Variants in SNTG1 observed in about 807,000 individuals in gnomAD.
The protein encoded by SNTG1 is gamma-1-syntrophin.
In SNTG1, 39 loss-of-function variants were observed where a neutral mutation model predicts 74.7. The ratio of observed to expected loss-of-function variants is 0.52; its 90% CI spans 0.40 to 0.68. The LOEUF is 0.68. Among genes scored for constraint, SNTG1 ranks in the 30% least tolerant of loss-of-function variants. The pLI is 0.00. For missense variants in SNTG1, 685 were observed against 609.5 expected (o/e 1.12, Z -1.30); for synonymous variants, 254 against 217.1 (o/e 1.17, Z -1.49).
In SNTG1 at chr8:50,283,722, G is replaced by T. The variant is rs919305634; in HGVS notation, c.-27-110490G>T. On this transcript the variant is annotated intron_variant, in intron 2 of 18. Coordinates refer to ENST00000642720, the MANE Select transcript of SNTG1 (RefSeq NM_018967.5). Reference sequence around the variant, plus strand: ...AATCATTTCTTCAAAAGGGCACATAGTTCTGTATTTCCCAAGCTGTTCTGG... The same window carrying T: ...AATCATTTCTTCAAAAGGGCACATATTTCTGTATTTCCCAAGCTGTTCTGG... Among the ~76,000 whole-genome samples the T allele has an allele frequency of 1.1e-4, 16 of 152,214 alleles. 1 individual carries two copies. Among genetic ancestry groups the T allele is most frequent in the African/African-American group, 3.9e-4 (16 of 41,556 alleles).
chr8:50,737,247 A>T (rs2095531259), intron 17 of SNTG1, among the ~76,000 whole-genome samples: 1 of 152,172 alleles, frequency 6.6e-6, no homozygotes, highest in Non-Finnish European at 1.5e-5. Flanking sequence ...ATCCCACAGA[A>T]ATACAAACTA....
intron 1 of SNTG1, among the ~76,000 whole-genome samples, chr8:49,989,624 C>T (rs947420967): frequency 1.3e-5 from 2 of 151,786 alleles, no homozygotes; most frequent in Non-Finnish European, 2.9e-5. Context: ...TACCCTAATG[C>T]CAAAAACCAG....
intron 1 of SNTG1, among the ~76,000 whole-genome samples, chr8:49,980,586 T>G (rs1207513657): frequency 3.3e-5 from 5 of 149,892 alleles, no homozygotes; most frequent in Admixed American, 6.6e-5. Flanking sequence ...GGGCACAGCT[T>G]TGCTGCCTCT....
chr8:50,259,508 A>AAAAGAAAG (rs555536386), intron 2 of SNTG1, among the ~76,000 whole-genome samples: 77 of 15,738 alleles, frequency 4.9e-3, no homozygotes, highest in African/African-American at 5.1e-3. Context: ...CAAAAAAAAA[A>AAAAGAAAG]AAAGAAAGAA....
intron 1 of SNTG1, among the ~76,000 whole-genome samples, chr8:50,064,846 G>T (rs203947): frequency 6.6e-6 from 1 of 152,004 alleles, no homozygotes; most frequent in Non-Finnish European, 1.5e-5. Flanking sequence ...GAAATACCCT[G>T]CAACCCTTGA....
intron 2 of SNTG1, among the ~76,000 whole-genome samples, chr8:50,284,053 A>G (rs1035546367): frequency 1.3e-5 from 2 of 152,082 alleles, no homozygotes; most frequent in Non-Finnish European, 2.9e-5. Flanking sequence ...GATGCCTTCC[A>G]GGATAACACA....
At chr8:50,572,260 A>T (rs1006454627) in intron 12 of SNTG1, among the ~76,000 whole-genome samples, 10 of 141,212 alleles carry the variant, frequency 7.1e-5, no homozygotes, top group African/African-American at 2.6e-4. Context: ...CACCTATTTT[A>T]TATATATATA....
intron 4 of SNTG1, among the ~76,000 whole-genome samples, chr8:50,415,919 G>T (rs922390724): frequency 1.3e-5 from 2 of 152,114 alleles, no homozygotes; most frequent in Non-Finnish European, 2.9e-5. Context: ...GCATTGAAGA[G>T]ACTTAATACA....
chr8:50,362,516 C>CT (rs202179754), intron 2 of SNTG1, among the ~76,000 whole-genome samples: 7,638 of 148,738 alleles, frequency 0.051, 256 homozygotes, highest in Non-Finnish European at 0.072. Flanking sequence ...TAAAGATAGT[C>CT]TTTTTTTTTT....
intron 17 of SNTG1, among the ~76,000 whole-genome samples, chr8:50,751,173 G>A (rs1202584284): frequency 6.6e-6 from 1 of 151,912 alleles, no homozygotes. Context: ...GCTAAGATAA[G>A]GTAAAACAAA....
chr8:50,287,551 A>T (rs1391666231), intron 2 of SNTG1, among the ~76,000 whole-genome samples: 4 of 152,166 alleles, frequency 2.6e-5, no homozygotes, highest in African/African-American at 7.2e-5. Context: ...TTACAAAATG[A>T]TGCCCAAATC....
chr8:50,725,624 C>T (rs1307925807), intron 17 of SNTG1, among the ~76,000 whole-genome samples: 1 of 152,084 alleles, frequency 6.6e-6, no homozygotes, highest in Non-Finnish European at 1.5e-5. Flanking sequence ...TTTTTCACCG[C>T]CCCGTTGAAA....
At chr8:50,220,955 A>C (rs1200914251) in intron 2 of SNTG1, among the ~76,000 whole-genome samples, 1 of 152,210 alleles carries the variant, frequency 6.6e-6, no homozygotes, top group East Asian at 1.9e-4. Flanking sequence ...AGAAACTCAC[A>C]CTGTGGCTGC....
intron 1 of SNTG1, among the ~76,000 whole-genome samples, chr8:49,951,572 C>T (rs1210102051): frequency 6.7e-6 from 1 of 148,554 alleles, no homozygotes; most frequent in Non-Finnish European, 1.5e-5. Context: ...ATCACATGGA[C>T]ACATGAAGGG....
intron 13 of SNTG1, among the ~76,000 whole-genome samples, chr8:50,633,880 A>G (rs548086336): frequency 1.3e-5 from 2 of 152,258 alleles, no homozygotes; most frequent in South Asian, 2.1e-4. Flanking sequence ...GATTCCATGG[A>G]AGGTTGTTTT....
At chr8:50,462,794 CTCTTTTTTTTTTTTTTT>C (rs2093576725) in intron 8 of SNTG1, among the ~76,000 whole-genome samples, 5 of 43,628 alleles carry the variant, frequency 1.1e-4, no homozygotes, top group South Asian at 8.4e-4. Flanking sequence ...TCAGGTTCTA[CTCTTTTTTTTTTTTTTT>C]TTTTTTTTTT....
intron 5 of SNTG1, among the ~76,000 whole-genome samples, chr8:50,446,848 G>T (rs1291388040): frequency 1.3e-5 from 2 of 152,102 alleles, no homozygotes; most frequent in Non-Finnish European, 2.9e-5. Flanking sequence ...TGCATTCCAA[G>T]ACCCCAGTAG....
At chr8:50,489,047 G>A (rs2093825399) in intron 8 of SNTG1, among the ~76,000 whole-genome samples, 1 of 152,066 alleles carries the variant, frequency 6.6e-6, no homozygotes, top group African/African-American at 2.4e-5. Context: ...CTGTTCCTGT[G>A]TTAGCTTGCT....
intron 1 of SNTG1, among the ~76,000 whole-genome samples, chr8:50,107,041 AGGG>A (rs1586302525): frequency 1.3e-5 from 2 of 152,314 alleles, no homozygotes; most frequent in East Asian, 3.9e-4. Context: ...CTGAAGCTCC[AGGG>A]TGCCCAGCAA....
Sources: gnomAD v4.1 joint callset for allele counts (sites outside exome capture counted in the v4.1 genomes callset) on GRCh38, gnomAD v4.1.1 for gene constraint, MANE v1.5 for transcripts, NCBI Gene and HGNC (gene_info 2026-07-23, HGNC 2026-07-21) for gene names.